The following COL5A2 variants were observed in gnomAD, a reference collection of about 807,000 sequenced individuals.
COL5A2 encodes collagen alpha-2(V) chain.
Under a neutral mutation model 208.2 loss-of-function variants are expected in COL5A2, and 23 were observed. That is an observed-to-expected ratio of 0.11 (90% CI 0.08 to 0.16). COL5A2 has a LOEUF of 0.16. Ranked by LOEUF, COL5A2 falls within the 10% of genes least tolerant of loss-of-function variation. COL5A2 has a pLI of 1.00. For synonymous variants in COL5A2, 625 were observed against 628.5 expected, an observed-to-expected ratio of 0.99 and a Z score of 0.08; for missense variants, 1,590 against 1,956.4, an observed-to-expected ratio of 0.81 and a Z score of 3.53.
Position 189,033,981 on chromosome 2 carries a change from T to G in COL5A2, c.*89A>C. The G allele has an allele frequency of 6.4e-7, 1 of 1,557,278 alleles. No homozygotes were observed. Among genetic ancestry groups the G allele is most frequent in the Non-Finnish European group, 8.8e-7 (1 of 1,133,008 alleles). On this transcript the variant is annotated 3_prime_UTR_variant, in exon 54 of 54. Coordinates refer to ENST00000374866, the MANE Select transcript of COL5A2 (RefSeq NM_000393.5). ...GCAGGATCAGCCATTACTTCAAGAGTCTCAGGATCAACTTCAAACAGTCAA... is the reference window on the plus strand; with the variant it reads ...GCAGGATCAGCCATTACTTCAAGAGGCTCAGGATCAACTTCAAACAGTCAA...
chr2:189,347,417 T>C, the COL5A2 span, among the ~76,000 whole-genome samples: 8 of 152,030 alleles, frequency 5.3e-5, no homozygotes, highest in Non-Finnish European at 1.0e-4. Context: ...AAGATTTATG[T>C]TAAAAAAGGA....
rs1428338755 is a variant in COL5A2, at chr2:189,068,243, C to T, written c.1285G>A (p.Gly429Ser). 6.2e-7 allele frequency: 1 copy of T among 1,613,620 alleles called. No homozygotes were observed. Among genetic ancestry groups the T allele is most frequent in the Admixed American group, 1.7e-5 (1 of 59,982 alleles). The change falls in exon 20 of 54, where the codon GGT becomes AGT. Residue 429 changes from glycine (G) to serine (S), a missense_variant. By Grantham distance (56) the Gly-to-Ser change is moderately conservative. Coordinates refer to ENST00000374866, the MANE Select transcript of COL5A2 (RefSeq NM_000393.5). ...PGAIGTDGTP[G>S]AKGPTGSPGT... ...GTACTCACCGTTGGGCCTTTGGCAC[C>T]AGGAGTACCATCAGTTCCTATTGCA...
intron 16 of COL5A2, 76 bp from the exon 17 acceptor site, chr2:189,075,513 A>C: frequency 8.7e-7 from 1 of 1,150,556 alleles, no homozygotes; most frequent in Non-Finnish European, 1.3e-6. Context: ...GCCTTATAAA[A>C]AATTTCCATA....
At chr2:189,174,752 T>G (rs763531917) in intron 1 of COL5A2, among the ~76,000 whole-genome samples, 3 of 152,210 alleles carry the variant, frequency 2.0e-5, no homozygotes, top group Non-Finnish European at 2.9e-5. Context: ...TGCTTACCAA[T>G]GACCCTACGA....
At chr2:189,180,211 C>T (rs553146673), upstream of COL5A2, among the ~76,000 whole-genome samples, 3 of 152,220 alleles carry the variant, frequency 2.0e-5, no homozygotes, top group South Asian at 6.2e-4. Flanking sequence ...CATTTTAACC[C>T]TTTCTTTTGA....
chr2:189,298,430 G>C, the COL5A2 span, among the ~76,000 whole-genome samples: 1 of 152,104 alleles, frequency 6.6e-6, no homozygotes, highest in Non-Finnish European at 1.5e-5. Context: ...TCCCTCCCAT[G>C]GCTATACATC....
the COL5A2 span, among the ~76,000 whole-genome samples, chr2:189,341,870 G>A: frequency 7.2e-5 from 11 of 152,126 alleles, no homozygotes; most frequent in African/African-American, 2.6e-4. Context: ...AGTGAAATTT[G>A]TTAATATAAT....
rs1553515128 is a variant in COL5A2, at chr2:189,060,772, A to G, written c.2043T>C (p.Gly681=). The part of the protein sequence containing the change: ...PGPTGFQGLP[G]PPGPPGEGGK... Reference sequence around the variant, plus strand: ...CACCTTCTCCAGGAGGCCCTGGAGGACCAGGAAGCCCCTAAAACAAAAGTA... The same window carrying G: ...CACCTTCTCCAGGAGGCCCTGGAGGGCCAGGAAGCCCCTAAAACAAAAGTA... Residue 681 remains glycine (G), a synonymous_variant, in exon 31 of 54, where the codon GGT becomes GGC. Transcript: ENST00000374866. 6.2e-7 allele frequency: 1 copy of G among 1,613,536 alleles called. No homozygotes were observed. Among genetic ancestry groups the G allele is most frequent in the Non-Finnish European group, 8.5e-7 (1 of 1,179,508 alleles).
At chr2:189,045,693 C>G in intron 46 of COL5A2, 107 bp downstream of exon 46, 2 of 872,384 alleles carry the variant, frequency 2.3e-6, no homozygotes. Context: ...TATTTAGAGT[C>G]CTTAACGAAG....
chr2:189,137,360 G>A (rs1687846330), intron 1 of COL5A2, among the ~76,000 whole-genome samples: 1 of 152,102 alleles, frequency 6.6e-6, no homozygotes, highest in Admixed American at 6.5e-5. Context: ...TTCTGTATTG[G>A]CTCATGTTAC....
chr2:189,262,166 A>G, the COL5A2 span, among the ~76,000 whole-genome samples: 2 of 152,132 alleles, frequency 1.3e-5, no homozygotes, highest in Admixed American at 6.6e-5. Flanking sequence ...AATAATTTGA[A>G]ATGATTTCAT....
chr2:189,062,278 G>A (rs1173280455), intron 29 of COL5A2, among the ~76,000 whole-genome samples: 1 of 151,650 alleles, frequency 6.6e-6, no homozygotes, highest in African/African-American at 2.4e-5. Context: ...CCGCCTCCCG[G>A]GTTCAAGTGA....
chr2:189,325,180 G>C, the COL5A2 span, among the ~76,000 whole-genome samples: 1 of 152,072 alleles, frequency 6.6e-6, no homozygotes, highest in African/African-American at 2.4e-5. Context: ...GGTGGGGGAA[G>C]GGGGAGGGAT....
At chr2:189,040,258 A>C (rs950817581) in intron 50 of COL5A2, among the ~76,000 whole-genome samples, 2 of 151,876 alleles carry the variant, frequency 1.3e-5, no homozygotes, top group Non-Finnish European at 2.9e-5. Flanking sequence ...GAATAGCTAG[A>C]ATTACAGGTG....
chr2:189,425,159 A>T, the COL5A2 span, among the ~76,000 whole-genome samples: 3 of 152,206 alleles, frequency 2.0e-5, no homozygotes, highest in Non-Finnish European at 4.4e-5. Context: ...GTATCATCTC[A>T]CTTCTGTTAG....
intron 21 of COL5A2, among the ~76,000 whole-genome samples, 160 bp from the exon 22 acceptor site, chr2:189,066,942 T>A (rs933104173): frequency 6.6e-6 from 1 of 152,206 alleles, no homozygotes; most frequent in Admixed American, 6.5e-5. Flanking sequence ...CATGTGAATA[T>A]GTTAATATGT....
the COL5A2 span, among the ~76,000 whole-genome samples, chr2:189,278,803 A>C: frequency 2.0e-5 from 3 of 152,024 alleles, no homozygotes; most frequent in Non-Finnish European, 2.9e-5. Context: ...AATGCCTTCT[A>C]GGAGAGTTCA....
chr2:189,424,325 C>T, the COL5A2 span, among the ~76,000 whole-genome samples: 85,851 of 151,954 alleles, frequency 0.56, 26,047 homozygotes, highest in East Asian at 0.69. Context: ...ACTGGAAGTT[C>T]TAATGAGCCG....
chr2:189,032,889 G>C lies in COL5A2; in HGVS notation c.*1181C>G, dbSNP rs1316380768. 6.6e-6 allele frequency: 1 copy of C among 152,492 alleles called. No homozygotes were observed. The highest frequency in any genetic ancestry group is 2.4e-5 in the African/African-American group (1 of 41,420). 9.4% of individuals were successfully genotyped at this position (152,492 alleles called of 1,614,324 possible). A position where few individuals can be genotyped will look rare whatever the true frequency, so the allele number is the denominator to read the frequency against. On this transcript the variant is annotated 3_prime_UTR_variant, in exon 54 of 54. Transcript: ENST00000374866. ...GAAGAATTTTAGCACCATCATTAAA[G>C]GAAAAATAATAATACCTTTTTAGCC...
Sources: gnomAD v4.1 joint callset for allele counts (sites outside exome capture counted in the v4.1 genomes callset) on GRCh38, gnomAD v4.1.1 for gene constraint, MANE v1.5 for transcripts, NCBI Gene and HGNC (gene_info 2026-07-23, HGNC 2026-07-21) for gene names.